Variants in RORA observed in about 807,000 individuals in gnomAD.
RORA encodes RAR related orphan receptor A.
In RORA, 7 loss-of-function variants were observed where a neutral mutation model predicts 69.5. The observed-to-expected ratio is 0.10, with a 90% CI of 0.06 to 0.19. RORA has a LOEUF of 0.19. Ranked by LOEUF, RORA falls within the 10% of genes least tolerant of loss-of-function variation. The probability of loss-of-function intolerance (pLI) is 1.00; values close to 1 mark genes in which losing one functional copy is unlikely to be tolerated. For missense variants in RORA, 457 were observed against 663.0 expected (o/e 0.69, Z 3.41); for synonymous variants, 261 against 240.8 (o/e 1.08, Z -0.78).
At position 61,217,970 on chromosome 15, in the gene RORA, C is replaced by CT. The variant is rs548938894; in HGVS notation, c.166+11082_166+11083insA. Among the ~76,000 whole-genome samples, 210 of 152,208 alleles carry CT rather than the reference C, an allele frequency of 1.4e-3. 1 individual carries two copies. The highest frequency in any genetic ancestry group is 4.9e-3 in the African/African-American group (202 of 41,522). ...AGCTTAACATCAGTTACTGTGGAAA[C>CT]ACTTCCTTCCTCCCCCACTGCTGGG... is the stretch of plus-strand genomic sequence containing the variant. On this transcript the variant is annotated intron_variant, in intron 1 of 10. Coordinates refer to ENST00000335670, the MANE Select transcript of RORA (RefSeq NM_134261.3).
At chr15:60,908,770 G>C (rs1465593968) in intron 1 of RORA, among the ~76,000 whole-genome samples, 1 of 152,098 alleles carries the variant, frequency 6.6e-6, no homozygotes, top group Non-Finnish European at 1.5e-5. Context: ...GCGTGGTTCT[G>C]CCAACTGAAC....
intron 1 of RORA, among the ~76,000 whole-genome samples, chr15:60,996,950 T>C (rs1273913261): frequency 6.6e-6 from 1 of 152,042 alleles, no homozygotes; most frequent in Non-Finnish European, 1.5e-5. Flanking sequence ...TAACGTAATT[T>C]TTACACCATC....
chr15:60,489,057 A>G lies in RORA; in HGVS notation c.*8398T>C, dbSNP rs987543776. The G allele has an allele frequency of 6.6e-6, 1 of 152,236 alleles. No homozygotes were observed. Among genetic ancestry groups the G allele is most frequent in the Non-Finnish European group, 1.5e-5 (1 of 68,036 alleles). The allele number at this position is 152,236 out of a possible 1,614,324, so 9.4% of individuals were successfully genotyped here. On this transcript the variant is annotated 3_prime_UTR_variant, in exon 11 of 11. Transcript: ENST00000335670. ...TGCTAGCCATTGTGCAGACGCAAAA[A>G]GATACAATCTCTACCCTCAGGAAGC...
intron 1 of RORA, among the ~76,000 whole-genome samples, chr15:60,794,126 A>T (rs1317369480): frequency 6.6e-6 from 1 of 152,212 alleles, no homozygotes; most frequent in East Asian, 1.9e-4. Flanking sequence ...CACTGCAAAT[A>T]ACATGCTGTT....
chr15:60,608,965 C>T (rs527577451), intron 2 of RORA, among the ~76,000 whole-genome samples: 6 of 152,190 alleles, frequency 3.9e-5, no homozygotes, highest in Admixed American at 1.3e-4. Flanking sequence ...TTACAAAGGG[C>T]CCCCGTGTCT....
At chr15:61,221,897 C>A (rs1477412256) in intron 1 of RORA, among the ~76,000 whole-genome samples, 2 of 151,244 alleles carry the variant, frequency 1.3e-5, no homozygotes, top group Admixed American at 6.6e-5. Context: ...TAGTACATGC[C>A]TGTAGTCTCA....
At chr15:60,790,887 G>A (rs1324718810) in intron 1 of RORA, among the ~76,000 whole-genome samples, 3 of 152,076 alleles carry the variant, frequency 2.0e-5, no homozygotes, top group Non-Finnish European at 1.5e-5. Flanking sequence ...GTTACCACAG[G>A]TATTTTCCTT....
At chr15:60,512,899 T>C (rs987752363) in intron 4 of RORA, among the ~76,000 whole-genome samples, 2 of 152,248 alleles carry the variant, frequency 1.3e-5, no homozygotes, top group Admixed American at 1.3e-4. Flanking sequence ...AATTCTTCCA[T>C]GAACTCACTT....
intron 1 of RORA, among the ~76,000 whole-genome samples, chr15:60,801,691 G>A (rs1158495038): frequency 2.0e-5 from 3 of 152,232 alleles, no homozygotes; most frequent in Non-Finnish European, 4.4e-5. Context: ...GCACGCCACG[G>A]TGTGGAATCT....
chr15:60,942,607 A>G (rs1384323408), intron 1 of RORA, among the ~76,000 whole-genome samples: 1 of 152,272 alleles, frequency 6.6e-6, no homozygotes, highest in African/African-American at 2.4e-5. Flanking sequence ...ATCACTTAAA[A>G]GAATTTTCCT....
At chr15:60,908,224 T>G (rs1260686302) in intron 1 of RORA, among the ~76,000 whole-genome samples, 1 of 152,238 alleles carries the variant, frequency 6.6e-6, no homozygotes, top group Non-Finnish European at 1.5e-5. Context: ...CCTTCATGCC[T>G]GAGCTGACCG....
chr15:60,912,339 T>A (rs752812287), intron 1 of RORA, among the ~76,000 whole-genome samples: 2 of 152,102 alleles, frequency 1.3e-5, no homozygotes, highest in Non-Finnish European at 2.9e-5. Flanking sequence ...ACAGGATCGC[T>A]TGAGCCCACG....
chr15:61,222,367 G>GA (rs562107183), intron 1 of RORA, among the ~76,000 whole-genome samples: 34 of 152,158 alleles, frequency 2.2e-4, no homozygotes, highest in Non-Finnish European at 1.9e-4. Context: ...AATATGTTAG[G>GA]AAAAAAAAAT....
chr15:60,837,287 A>G (rs539225851), intron 1 of RORA, among the ~76,000 whole-genome samples: 9 of 152,292 alleles, frequency 5.9e-5, no homozygotes, highest in African/African-American at 1.9e-4. Context: ...TTGTGTCAAT[A>G]TATCAAATTA....
intron 1 of RORA, among the ~76,000 whole-genome samples, chr15:60,704,261 G>A (rs193061193): frequency 2.8e-4 from 42 of 152,334 alleles, no homozygotes; most frequent in Non-Finnish European, 4.9e-4. Flanking sequence ...TCATGGTTTG[G>A]TTTGGAGGTG....
At chr15:61,047,466 G>A (rs917017668) in intron 1 of RORA, among the ~76,000 whole-genome samples, 1 of 152,210 alleles carries the variant, frequency 6.6e-6, no homozygotes, top group Admixed American at 6.5e-5. Context: ...CCATAGAAGT[G>A]CCTCTAGAGG....
chr15:60,743,750 G>A (rs1031283422), intron 1 of RORA, among the ~76,000 whole-genome samples: 1 of 152,212 alleles, frequency 6.6e-6, no homozygotes, highest in Non-Finnish European at 1.5e-5. Context: ...CACATCTTAT[G>A]TGCTGCTGGG....
At chr15:61,199,573 G>A (rs939898776) in intron 1 of RORA, among the ~76,000 whole-genome samples, 1 of 152,156 alleles carries the variant, frequency 6.6e-6, no homozygotes, top group East Asian at 1.9e-4. Context: ...ATTTGTTTCC[G>A]AAACTAAGGA....
chr15:60,882,676 C>A (rs998657622), intron 1 of RORA, among the ~76,000 whole-genome samples: 3 of 151,196 alleles, frequency 2.0e-5, no homozygotes, highest in African/African-American at 7.3e-5. Flanking sequence ...CACACAAACA[C>A]ACACACACGG....
Sources: allele counts gnomAD v4.1 joint callset (sites outside exome capture counted in the v4.1 genomes callset), GRCh38; gene constraint gnomAD v4.1.1; transcripts MANE v1.5; gene names NCBI Gene and HGNC (gene_info 2026-07-23, HGNC 2026-07-21).